Variants in ANKS1B observed in about 807,000 individuals in gnomAD.
ANKS1B encodes ankyrin repeat and sterile alpha motif domain-containing protein 1B.
ANKS1B carries 36 observed loss-of-function variants against 148.3 expected under a neutral mutation model. The observed-to-expected ratio is 0.24, with a 90% CI of 0.19 to 0.32. The LOEUF (loss-of-function observed/expected upper bound fraction) is 0.32, where lower values mean the gene tolerates loss of function less well. Among genes scored for constraint, ANKS1B ranks in the 10% least tolerant of loss-of-function variants. The pLI, the probability that ANKS1B is intolerant of heterozygous loss-of-function variation, is 1.00. For synonymous variants in ANKS1B, 542 were observed against 560.8 expected (o/e 0.97, Z 0.47); for missense variants, 1,157 against 1,542.6 (o/e 0.75, Z 4.19).
chr12:99,211,086 A>G (rs758984767), intron 14 of ANKS1B, among the ~76,000 whole-genome samples: 1 of 152,222 alleles, frequency 6.6e-6, no homozygotes, highest in Admixed American at 6.5e-5. Context: ...TGAGGACACT[A>G]TAAGCTATGA....
chr12:99,881,177 G>C (rs961716517), intron 1 of ANKS1B, among the ~76,000 whole-genome samples: 16 of 152,348 alleles, frequency 1.1e-4, no homozygotes, highest in Middle Eastern at 3.4e-3. Flanking sequence ...TTCCAGAGAA[G>C]TCCTCTAGCT....
chr12:98,890,618 C>T (rs1026484080), intron 17 of ANKS1B, among the ~76,000 whole-genome samples: 1 of 152,208 alleles, frequency 6.6e-6, no homozygotes, highest in African/African-American at 2.4e-5. Flanking sequence ...AAACATACCA[C>T]TTGTTGCAGT....
chr12:99,090,859 T>A (rs1369014516), intron 15 of ANKS1B, among the ~76,000 whole-genome samples: 1 of 152,142 alleles, frequency 6.6e-6, no homozygotes, highest in Non-Finnish European at 1.5e-5. Context: ...TAGCTTATCA[T>A]ATAGAAACAC....
At chr12:99,181,617 C>T (rs1379680411) in intron 14 of ANKS1B, among the ~76,000 whole-genome samples, 3 of 151,864 alleles carry the variant, frequency 2.0e-5, no homozygotes, top group African/African-American at 7.3e-5. Context: ...GTGGGAAAAA[C>T]ATTTTTTCAA....
At chr12:99,491,044 G>A (rs1269830508) in intron 10 of ANKS1B, among the ~76,000 whole-genome samples, 7 of 152,204 alleles carry the variant, frequency 4.6e-5, no homozygotes, top group African/African-American at 1.4e-4. Context: ...AAGGCTGGGC[G>A]TAGTGGCTCA....
At chr12:98,917,278 G>C (rs1303204156) in intron 17 of ANKS1B, among the ~76,000 whole-genome samples, 1 of 152,196 alleles carries the variant, frequency 6.6e-6, no homozygotes, top group Non-Finnish European at 1.5e-5. Flanking sequence ...CACTGCTGGT[G>C]AATGGCAAGA....
At chr12:99,758,601 T>G (rs2061787487) in intron 8 of ANKS1B, among the ~76,000 whole-genome samples, 2 of 151,856 alleles carry the variant, frequency 1.3e-5, no homozygotes, top group South Asian at 4.1e-4. Context: ...CAAGATACTA[T>G]TACTATTACT....
At chr12:99,957,953 C>G (rs1782647833) in intron 1 of ANKS1B, among the ~76,000 whole-genome samples, 1 of 152,166 alleles carries the variant, frequency 6.6e-6, no homozygotes, top group South Asian at 2.1e-4. Flanking sequence ...AAGTTTCAGA[C>G]TTAAAGGAAC....
At chr12:99,032,197 C>T (rs1055698883) in intron 17 of ANKS1B, among the ~76,000 whole-genome samples, 2 of 152,194 alleles carry the variant, frequency 1.3e-5, no homozygotes, top group Non-Finnish European at 2.9e-5. Flanking sequence ...GTTCCTTTAA[C>T]AAATACTAGG....
At chr12:99,303,568 T>C (rs1602615897) in intron 12 of ANKS1B, among the ~76,000 whole-genome samples, 1 of 152,174 alleles carries the variant, frequency 6.6e-6, no homozygotes, top group South Asian at 2.1e-4. Flanking sequence ...ATTTCAGTAT[T>C]GATAAATTGT....
intron 12 of ANKS1B, among the ~76,000 whole-genome samples, chr12:99,377,379 C>T (rs1334357858): frequency 1.3e-5 from 2 of 152,096 alleles, no homozygotes; most frequent in African/African-American, 2.4e-5. Flanking sequence ...TTCTATTATA[C>T]TCTGGCTTTT....
intron 11 of ANKS1B, among the ~76,000 whole-genome samples, chr12:99,412,555 G>A (rs1471814140): frequency 1.3e-5 from 2 of 152,046 alleles, no homozygotes; most frequent in African/African-American, 4.8e-5. Context: ...TGGATGGTGG[G>A]CTTTTTCCTC....
chr12:98,811,183 G>C (rs1313478089), intron 19 of ANKS1B, among the ~76,000 whole-genome samples: 4 of 152,172 alleles, frequency 2.6e-5, no homozygotes, highest in African/African-American at 4.8e-5. Flanking sequence ...AGCTCTTCTA[G>C]GATAGAGGGC....
intron 1 of ANKS1B, among the ~76,000 whole-genome samples, chr12:99,832,824 G>A (rs1430793708): frequency 6.6e-6 from 1 of 151,530 alleles, no homozygotes; most frequent in East Asian, 1.9e-4. Context: ...GGGCAAAAAA[G>A]GAAAAGTTAA....
At chr12:99,449,899 CTATCTATCT>C (rs2095700322) in intron 10 of ANKS1B, among the ~76,000 whole-genome samples, 7 of 11,814 alleles carry the variant, frequency 5.9e-4, no homozygotes, top group South Asian at 2.3e-3. Context: ...ATCCATCTAT[CTATCTATCT>C]ATCTATCTAT....
chr12:99,465,711 G>A (rs1349157102), intron 10 of ANKS1B, among the ~76,000 whole-genome samples: 1 of 152,094 alleles, frequency 6.6e-6, no homozygotes. Context: ...ATTATATAAT[G>A]GTAAAGGGAT....
chr12:99,566,299 A>G (rs922227032), intron 9 of ANKS1B, among the ~76,000 whole-genome samples: 3 of 152,194 alleles, frequency 2.0e-5, no homozygotes, highest in Non-Finnish European at 2.9e-5. Flanking sequence ...CCTTAGCACT[A>G]CATACAAGCA....
At chr12:99,737,122 T>G (rs763391757) in intron 8 of ANKS1B, among the ~76,000 whole-genome samples, 1 of 152,124 alleles carries the variant, frequency 6.6e-6, no homozygotes, top group African/African-American at 2.4e-5. Flanking sequence ...GAAAACAGTA[T>G]GGAGATTTTT....
chr12:98,866,244 C>T (rs1450915370), intron 17 of ANKS1B, among the ~76,000 whole-genome samples: 4 of 152,144 alleles, frequency 2.6e-5, no homozygotes, highest in East Asian at 1.9e-4. Flanking sequence ...AGCACTTCTG[C>T]GAATCTTCAG....
Sources: gnomAD v4.1 joint callset for allele counts (sites outside exome capture counted in the v4.1 genomes callset) on GRCh38, gnomAD v4.1.1 for gene constraint, MANE v1.5 for transcripts, NCBI Gene and HGNC (gene_info 2026-07-23, HGNC 2026-07-21) for gene names.